The following HSP90AA1 variants were observed in gnomAD, a reference collection of about 807,000 sequenced individuals.
HSP90AA1 encodes heat shock protein HSP 90-alpha.
A neutral mutation model predicts 73.3 loss-of-function variants in HSP90AA1; 18 were observed. The ratio of observed to expected loss-of-function variants is 0.25; its 90% CI spans 0.17 to 0.36. HSP90AA1 has a LOEUF of 0.36. Among genes scored for constraint, HSP90AA1 ranks in the 10% least tolerant of loss-of-function variants. The pLI is 1.00. For missense variants in HSP90AA1, 704 were observed against 874.2 expected (o/e 0.81, Z 2.45); for synonymous variants, 477 against 296.9 (o/e 1.61, Z -6.24).
chr14:102,114,026 A>G (rs553162455), intron 1 of HSP90AA1, among the ~76,000 whole-genome samples: 1 of 149,040 alleles, frequency 6.7e-6, no homozygotes, highest in Admixed American at 6.7e-5. Flanking sequence ...TATTTTATTT[A>G]TTTATTTTTT....
intron 1 of HSP90AA1, among the ~76,000 whole-genome samples, chr14:102,137,205 C>A (rs917757979): frequency 1.3e-5 from 2 of 151,574 alleles, no homozygotes; most frequent in Non-Finnish European, 2.9e-5. Context: ...TGTGCCACTG[C>A]ACTCCAGCCT....
In HSP90AA1 at chr14:102,127,809, G is replaced by A. The variant is rs371942543; in HGVS notation, c.155+11441C>T. Among the ~76,000 whole-genome samples the A allele has an allele frequency of 2.6e-5, 4 of 151,956 alleles. No individual in the cohort carries two copies. In the East Asian group the frequency reaches 7.7e-4, roughly 29 times the overall value. ...TGGGACTACAAGTGTGTGTTGCCAC[G>A]CCTGGCTAACCTTATTTTTATAGAG... is the stretch of plus-strand genomic sequence containing the variant. On this transcript the variant is annotated intron_variant, in intron 1 of 11. Transcript: ENST00000334701.
At chr14:102,101,959 G>A (rs10873531) in exon 2 of HSP90AA1, 1,344,729 of 1,613,558 alleles carry the variant, frequency 0.83, 571,585 homozygotes, top group Non-Finnish European at 0.87. Flanking sequence ...CCAGTGACGC[G>A]GTGACAGGGA....
intron 1 of HSP90AA1, among the ~76,000 whole-genome samples, chr14:102,135,504 TGCGCTC>T (rs1167617600): frequency 6.6e-6 from 1 of 152,264 alleles, no homozygotes; most frequent in East Asian, 1.9e-4. Context: ...TCCTGCGCCG[TGCGCTC>T]GCATTCCTCA....
At position 102,085,438 on chromosome 14, in the gene HSP90AA1, G is replaced by A. The variant is rs147109489; in HGVS notation, c.530-7C>T. 15 of 1,562,782 alleles carry A rather than the reference G, an allele frequency of 9.6e-6. No individual in the cohort carries two copies. Among genetic ancestry groups the A allele is most frequent in the Admixed American group, 9.4e-5 (5 of 53,398 alleles). ...CCACGACCCATAGGTTCACCTGCAA[G>A]AGAAGAAAGAAAAATTGACTTAATA... On this transcript the variant is annotated splice_polypyrimidine_tract_variant and splice_region_variant and intron_variant, in intron 3 of 10. Coordinates refer to ENST00000216281, the MANE Select transcript of HSP90AA1 (RefSeq NM_005348.4).
intron 1 of HSP90AA1, among the ~76,000 whole-genome samples, chr14:102,120,805 G>T (rs2049766921): frequency 6.6e-6 from 1 of 151,652 alleles, no homozygotes; most frequent in African/African-American, 2.4e-5. Flanking sequence ...TAGCGTGGCG[G>T]TGGGCGCCTA....
At position 102,084,804 on chromosome 14, in the gene HSP90AA1, A is replaced by T. The variant is rs1841848168; in HGVS notation, c.858T>A (p.Asp286Glu). 1 of 1,613,692 alleles carries T rather than the reference A, an allele frequency of 6.2e-7. No individual in the cohort carries two copies. The highest frequency in any genetic ancestry group is 1.1e-5 in the South Asian group (1 of 91,058). ...GCTTTGTTTTGTTGAGCTCTTCTTG[A>T]TCGATGTACTTTTCCTTAATCTTCT... ...KKKKIKEKYI[D>E]QEELNKTKPI... Residue 286 changes from aspartate (D) to glutamate (E), a missense_variant, in exon 5 of 11, where the codon GAT (aspartate) becomes GAA (glutamate). By Grantham distance (45) the Asp-to-Glu change is conservative (BLOSUM62 2). Coordinates refer to ENST00000216281, the MANE Select transcript of HSP90AA1 (RefSeq NM_005348.4).
intron 1 of HSP90AA1, among the ~76,000 whole-genome samples, chr14:102,117,129 G>A (rs2049716923): frequency 6.6e-6 from 1 of 152,180 alleles, no homozygotes; most frequent in Non-Finnish European, 1.5e-5. Flanking sequence ...GAGGAGCATG[G>A]GAGAGACGCC....
chr14:102,122,823 A>G (rs1027017577), intron 1 of HSP90AA1, among the ~76,000 whole-genome samples: 3 of 151,474 alleles, frequency 2.0e-5, no homozygotes, highest in Non-Finnish European at 2.9e-5. Flanking sequence ...GCCTGCCACC[A>G]TGCCCAGCTG....
intron 1 of HSP90AA1, among the ~76,000 whole-genome samples, chr14:102,106,669 G>A (rs2049572735): frequency 1.3e-5 from 2 of 150,098 alleles, no homozygotes; most frequent in Admixed American, 6.7e-5. Context: ...TCAGCCTCCC[G>A]AGTAGCTGAG....
intron 6 of HSP90AA1, 34 bp downstream of exon 6, chr14:102,084,365 A>G (rs1229182000): frequency 6.3e-7 from 1 of 1,591,644 alleles, no homozygotes; most frequent in Non-Finnish European, 8.6e-7. Context: ...TTCTTTAATC[A>G]GTGACAGTGA....
At chr14:102,112,985 A>AT (rs2049660393) in intron 1 of HSP90AA1, among the ~76,000 whole-genome samples, 3 of 151,262 alleles carry the variant, frequency 2.0e-5, no homozygotes, top group African/African-American at 7.3e-5. Context: ...CTTCAATATT[A>AT]TTTTTTCTGT....
chr14:102,082,022 C>T lies in HSP90AA1; in HGVS notation c.2089+89G>A, dbSNP rs866052286. 23 of 953,538 alleles carry T rather than the reference C, an allele frequency of 2.4e-5. No homozygotes were observed. In the East Asian group the frequency reaches 4.9e-4, roughly 20 times the overall value. The allele number at this position is 953,538 out of a possible 1,614,324, so 59.1% of individuals were successfully genotyped here. On this transcript the variant is annotated intron_variant, in intron 10 of 10. Coordinates refer to ENST00000216281, the MANE Select transcript of HSP90AA1 (RefSeq NM_005348.4). The stretch of plus-strand genomic sequence containing the variant: ...TCCAAGCAGCAAGCAGGACAAGGTG[C>T]TCCAAGTTTGGATAACTGAAAGTTC...
chr14:102,105,066 T>G (rs7150750), intron 1 of HSP90AA1, among the ~76,000 whole-genome samples: 137,087 of 149,688 alleles, frequency 0.92, 62,848 homozygotes, highest in East Asian at 1. Context: ...AATTCAGCCG[T>G]GTGTGATGGC....
intron 1 of HSP90AA1, among the ~76,000 whole-genome samples, chr14:102,118,026 A>G (rs1282946249): frequency 6.6e-6 from 1 of 152,192 alleles, no homozygotes; most frequent in Non-Finnish European, 1.5e-5. Flanking sequence ...CCATGGCAGC[A>G]GCTGGCATGT....
intron 1 of HSP90AA1, among the ~76,000 whole-genome samples, chr14:102,103,570 G>A (rs1360449249): frequency 1.3e-5 from 2 of 151,936 alleles, no homozygotes; most frequent in East Asian, 1.9e-4. Context: ...TTGGGAGGCC[G>A]AGGGGGGTGG....
In HSP90AA1 at chr14:102,085,286, AT is replaced by A. The variant is rs1388514896; in HGVS notation, c.663+11del. 8 of 1,609,826 alleles carry A rather than the reference AT, an allele frequency of 5.0e-6. No individual in the cohort carries two copies. The Admixed American group carries it at 8.3e-5, about 17-fold the overall frequency. ...AGACAGAAATTCACTCTGCAATTAC[AT>A]AAAAACTTACAAAAAGAGTAATGGG... On this transcript the variant is annotated intron_variant, in intron 4 of 10. Coordinates refer to ENST00000216281, the MANE Select transcript of HSP90AA1 (RefSeq NM_005348.4).
intron 1 of HSP90AA1, among the ~76,000 whole-genome samples, chr14:102,132,395 A>T (rs540036619): frequency 3.9e-5 from 6 of 152,134 alleles, no homozygotes; most frequent in African/African-American, 1.4e-4. Flanking sequence ...ATAAAAATAA[A>T]ACTTAGCTGG....
chr14:102,118,212 G>T (rs1330249116), intron 1 of HSP90AA1, among the ~76,000 whole-genome samples: 2 of 152,162 alleles, frequency 1.3e-5, no homozygotes, highest in East Asian at 3.8e-4. Context: ...TCAGACAAGG[G>T]TGCCACCAGC....
Sources: allele counts gnomAD v4.1 joint callset (sites outside exome capture counted in the v4.1 genomes callset), GRCh38; gene constraint gnomAD v4.1.1; transcripts MANE v1.5; gene names NCBI Gene and HGNC (gene_info 2026-07-23, HGNC 2026-07-21).